Variants in FAM149B1 observed in about 807,000 individuals in gnomAD.
The protein encoded by FAM149B1 is primary cilium assembly protein FAM149B1.
Under a neutral mutation model 75.3 loss-of-function variants are expected in FAM149B1, and 56 were observed. The observed-to-expected ratio is 0.74, with a 90% CI of 0.60 to 0.93. The LOEUF (loss-of-function observed/expected upper bound fraction) is 0.93. FAM149B1 is among the 40% of genes least tolerant of loss of function. The pLI is 0.00. For synonymous variants in FAM149B1, 259 were observed against 256.1 expected, an observed-to-expected ratio of 1.01 and a Z score of -0.11; for missense variants, 639 against 708.4, an observed-to-expected ratio of 0.90 and a Z score of 1.11.
At chr10:73,225,130 A>C (rs2043508333) in intron 7 of FAM149B1, among the ~76,000 whole-genome samples, 1 of 152,264 alleles carries the variant, frequency 6.6e-6, no homozygotes. Flanking sequence ...TATGTACAGT[A>C]CATATACTTC....
chr10:73,173,640 A>T (rs1213632013), intron 1 of FAM149B1, among the ~76,000 whole-genome samples: 2 of 152,080 alleles, frequency 1.3e-5, no homozygotes, highest in Non-Finnish European at 2.9e-5. Context: ...TCAACTTTTG[A>T]CTCCCCAGAA....
chr10:73,224,843 G>A (rs1440788124), intron 7 of FAM149B1, among the ~76,000 whole-genome samples: 1 of 152,120 alleles, frequency 6.6e-6, no homozygotes, highest in East Asian at 1.9e-4. Flanking sequence ...AAAAGTTATT[G>A]AACTAGATAG....
chr10:73,186,784 C>T (rs916868343), intron 3 of FAM149B1, among the ~76,000 whole-genome samples: 4 of 152,170 alleles, frequency 2.6e-5, no homozygotes, highest in Non-Finnish European at 4.4e-5. Context: ...AGACATGACA[C>T]ATCACATATT....
intron 7 of FAM149B1, among the ~76,000 whole-genome samples, chr10:73,211,531 A>C (rs951410903): frequency 3.3e-5 from 5 of 152,186 alleles, no homozygotes; most frequent in African/African-American, 9.6e-5. Flanking sequence ...TCTGCCCCTG[A>C]TTTCAGATCA....
intron 3 of FAM149B1, among the ~76,000 whole-genome samples, chr10:73,185,933 T>A (rs1005401618): frequency 1.3e-5 from 2 of 152,134 alleles, no homozygotes; most frequent in Non-Finnish European, 2.9e-5. Flanking sequence ...AAAGAACAGT[T>A]CCTACCTAAC....
At chr10:73,211,090 C>T (rs2133369399) in intron 7 of FAM149B1, among the ~76,000 whole-genome samples, 1 of 152,274 alleles carries the variant, frequency 6.6e-6, no homozygotes, top group African/African-American at 2.4e-5. Context: ...GTTGCAAGCT[C>T]CAAGTTGTGA....
intron 3 of FAM149B1, chr10:73,192,198 C>A (rs9731887): frequency 0.037 from 5,744 of 153,320 alleles, 463 homozygotes; most frequent in African/African-American, 0.15. Flanking sequence ...CCACGCCTGG[C>A]CTTTTTTTTT....
chr10:73,238,063 G>A (rs1165860824), intron 12 of FAM149B1, among the ~76,000 whole-genome samples: 4 of 152,060 alleles, frequency 2.6e-5, no homozygotes, highest in African/African-American at 9.7e-5. Flanking sequence ...TGCTAGCTGT[G>A]AGCCGGCTGC....
At chr10:73,231,574 A>G (rs1198196188) in intron 9 of FAM149B1, among the ~76,000 whole-genome samples, 2 of 152,236 alleles carry the variant, frequency 1.3e-5, no homozygotes, top group South Asian at 2.1e-4. Context: ...GAGTCCACGC[A>G]TGAGCTACTA....
rs1468095442 is a variant in FAM149B1, at chr10:73,241,860, C to G, written c.*841C>G. ...GTTTAAGAAACCCTGGCAATTAATT[C>G]AGCATAAACATATCCTATAAACAGC... On this transcript the variant is annotated 3_prime_UTR_variant, in exon 14 of 14. Coordinates refer to ENST00000242505, the MANE Select transcript of FAM149B1 (RefSeq NM_173348.2). 6.6e-6 allele frequency: 1 copy of G among 152,182 alleles called. No homozygotes were observed. The highest frequency in any genetic ancestry group is 6.5e-5 in the Admixed American group (1 of 15,284). The allele number at this position is 152,182 out of a possible 1,614,324, so 9.4% of individuals were successfully genotyped here. A position where few individuals can be genotyped will look rare whatever the true frequency, so the allele number is the denominator to read the frequency against.
Position 73,239,296 on chromosome 10 carries a change from C to T in FAM149B1, c.1603-16C>T. On this transcript the variant is annotated splice_polypyrimidine_tract_variant and intron_variant, in intron 12 of 13. Coordinates refer to ENST00000242505, the MANE Select transcript of FAM149B1 (RefSeq NM_173348.2). ...GAAGATGCATCATAAGAAGTGTCTC[C>T]TCTTTTGTCTTGTAGCTGGATACAC... 2 of 1,549,076 alleles carry T rather than the reference C, an allele frequency of 1.3e-6. No individual in the cohort carries two copies. Among genetic ancestry groups the T allele is most frequent in the Non-Finnish European group, 1.7e-6 (2 of 1,144,754 alleles).
In FAM149B1 at chr10:73,228,119, G is replaced by C; in HGVS notation, c.958G>C (p.Glu320Gln). ...PDSESSCVLS[E>Q]LHPLVLPRVP... ...TTCAGAAAGTTCCTGTGTGCTGAGT[G>C]AACTACATCCTTTGGTGTTACCGCG... Residue 320 changes from glutamate to glutamine, a missense_variant, in exon 8 of 14, where the codon GAA becomes CAA. Coordinates refer to ENST00000242505, the MANE Select transcript of FAM149B1 (RefSeq NM_173348.2). 6.4e-7 allele frequency: 1 copy of C among 1,551,312 alleles called. No homozygotes were observed. Among genetic ancestry groups the C allele is most frequent in the Non-Finnish European group, 8.7e-7 (1 of 1,146,614 alleles).
At chr10:73,176,502 A>AG (rs1209126686) in intron 2 of FAM149B1, among the ~76,000 whole-genome samples, 2 of 152,222 alleles carry the variant, frequency 1.3e-5, no homozygotes, top group African/African-American at 4.8e-5. Flanking sequence ...AGCTGTAGTT[A>AG]TTTTAAGTAA....
At chr10:73,229,621 G>A (rs1476934330) in intron 8 of FAM149B1, among the ~76,000 whole-genome samples, 1 of 152,176 alleles carries the variant, frequency 6.6e-6, no homozygotes, top group Non-Finnish European at 1.5e-5. Flanking sequence ...CACCACACCA[G>A]GGATGAACCA....
intron 12 of FAM149B1, among the ~76,000 whole-genome samples, chr10:73,236,021 T>C (rs2043812549): frequency 6.6e-6 from 1 of 152,154 alleles, no homozygotes; most frequent in Non-Finnish European, 1.5e-5. Context: ...TTGGAGAGCC[T>C]GGGGAAGTAA....
intron 7 of FAM149B1, among the ~76,000 whole-genome samples, chr10:73,221,790 C>T (rs910742327): frequency 6.6e-6 from 1 of 151,860 alleles, no homozygotes; most frequent in African/African-American, 2.4e-5. Context: ...ATCATTGATC[C>T]CTCAGGTAAC....
At chr10:73,229,604 C>A (rs1156919406) in intron 8 of FAM149B1, among the ~76,000 whole-genome samples, 1 of 152,046 alleles carries the variant, frequency 6.6e-6, no homozygotes, top group Non-Finnish European at 1.5e-5. Context: ...TATGAAGGCT[C>A]GTAAGTCACC....
At chr10:73,183,218 G>C (rs1300854115) in intron 3 of FAM149B1, 1 of 152,170 alleles carries the variant, frequency 6.6e-6, no homozygotes, top group African/African-American at 2.4e-5. Context: ...ACAACTGACT[G>C]ATTAAAGCAA....
At chr10:73,207,565 CAAAAAAGAAAAAAAAGA>C (rs958282806) in intron 5 of FAM149B1, among the ~76,000 whole-genome samples, 2 of 147,164 alleles carry the variant, frequency 1.4e-5, no homozygotes, top group Non-Finnish European at 1.5e-5. Flanking sequence ...CTCTGTCTCT[CAAAAAAGAAAAAAAAGA>C]AAAAAAGAAA....
Sources: gnomAD v4.1 joint callset for allele counts (sites outside exome capture counted in the v4.1 genomes callset) on GRCh38, gnomAD v4.1.1 for gene constraint, MANE v1.5 for transcripts, NCBI Gene and HGNC (gene_info 2026-07-23, HGNC 2026-07-21) for gene names.